The following RORA variants were observed in gnomAD, a reference collection of about 807,000 sequenced individuals.
RORA encodes RAR related orphan receptor A, also known as nuclear receptor ROR-alpha.
In RORA, 7 loss-of-function variants were observed where a neutral mutation model predicts 69.5. That is an observed-to-expected ratio of 0.10 (90% CI 0.06 to 0.19). The LOEUF is 0.19. Among genes scored for constraint, RORA ranks in the 10% least tolerant of loss-of-function variants. The pLI, the probability that RORA is intolerant of heterozygous loss-of-function variation, is 1.00. For synonymous variants in RORA, 261 were observed against 240.8 expected (o/e 1.08, Z -0.78); for missense variants, 457 against 663.0 (o/e 0.69, Z 3.41).
At chr15:60,698,269 C>T (rs1255575161) in intron 1 of RORA, among the ~76,000 whole-genome samples, 2 of 152,088 alleles carry the variant, frequency 1.3e-5, no homozygotes, top group Non-Finnish European at 2.9e-5. Context: ...AAAAAAGCCC[C>T]ACTAAAAGCT....
intron 1 of RORA, among the ~76,000 whole-genome samples, chr15:60,880,324 A>G (rs1250951030): frequency 6.6e-6 from 1 of 152,158 alleles, no homozygotes; most frequent in East Asian, 1.9e-4. Flanking sequence ...GGTCAACCCT[A>G]CTGTCACTTA....
At chr15:60,897,253 C>T (rs1036253005) in intron 1 of RORA, among the ~76,000 whole-genome samples, 1 of 152,168 alleles carries the variant, frequency 6.6e-6, no homozygotes, top group African/African-American at 2.4e-5. Flanking sequence ...CACAGTTTTA[C>T]AAATTTCACT....
chr15:61,102,445 A>G (rs1566989920), intron 1 of RORA, among the ~76,000 whole-genome samples: 2 of 152,234 alleles, frequency 1.3e-5, no homozygotes, highest in African/African-American at 4.8e-5. Flanking sequence ...TCAGAGCCAC[A>G]GCTGAGGACC....
chr15:60,614,964 A>G, intron 2 of RORA: 2 of 1,614,094 alleles, frequency 1.2e-6, no homozygotes, highest in Non-Finnish European at 1.7e-6. Flanking sequence ...CTGTGGCTCC[A>G]TCCCAGTTTA....
intron 1 of RORA, among the ~76,000 whole-genome samples, chr15:60,988,803 T>C (rs11638147): frequency 0.2 from 31,047 of 152,130 alleles, 3,610 homozygotes; most frequent in Middle Eastern, 0.26. Context: ...CTACTCCAGG[T>C]GCACAGAGAT....
At position 60,608,460 on chromosome 15, in the gene RORA, G is replaced by A. The variant is rs1010233616; in HGVS notation, c.196+70197C>T. ...GATAGGGTAAGTGAAGCTCAAAGAG[G>A]CCTCTGGTTCAGCAGATCACACCGC... On this transcript the variant is annotated intron_variant, in intron 2 of 10. Transcript: ENST00000335670. 8.5e-5 allele frequency among the ~76,000 whole-genome samples: 13 copies of A among 152,272 alleles called. No individual in the cohort carries two copies. The East Asian group carries it at 2.3e-3, about 27-fold the overall frequency.
At chr15:60,860,858 C>T (rs2073429877) in intron 1 of RORA, among the ~76,000 whole-genome samples, 1 of 152,166 alleles carries the variant, frequency 6.6e-6, no homozygotes, top group Non-Finnish European at 1.5e-5. Flanking sequence ...TCCCTCACTG[C>T]CTTTCTCTTT....
intron 1 of RORA, among the ~76,000 whole-genome samples, chr15:61,021,373 T>C (rs1895514419): frequency 6.6e-6 from 1 of 152,204 alleles, no homozygotes; most frequent in Admixed American, 6.5e-5. Context: ...GAATTGTCCT[T>C]TTCCAAACCT....
At chr15:60,768,708 C>T (rs2072025329) in intron 1 of RORA, among the ~76,000 whole-genome samples, 2 of 152,204 alleles carry the variant, frequency 1.3e-5, no homozygotes, top group African/African-American at 4.8e-5. Context: ...AGAGCAGGTG[C>T]ACTGACAGAC....
intron 1 of RORA, among the ~76,000 whole-genome samples, chr15:60,788,646 C>T (rs932285801): frequency 6.6e-6 from 1 of 152,016 alleles, no homozygotes; most frequent in Non-Finnish European, 1.5e-5. Flanking sequence ...CCTTTCCTCC[C>T]CAGGCAGGAT....
At chr15:60,856,053 C>T (rs1680478) in intron 1 of RORA, among the ~76,000 whole-genome samples, 132,915 of 152,152 alleles carry the variant, frequency 0.87, 58,743 homozygotes, top group East Asian at 0.99. Flanking sequence ...CTTTCAGCAA[C>T]CTCAAGGGAT....
chr15:60,708,464 A>G (rs4774371), intron 1 of RORA, among the ~76,000 whole-genome samples: 107,628 of 151,870 alleles, frequency 0.71, 38,791 homozygotes, highest in East Asian at 0.82. Context: ...ATCACATCCA[A>G]GTGGCATTCA....
At chr15:61,068,478 C>T (rs1378128480) in intron 1 of RORA, among the ~76,000 whole-genome samples, 2 of 152,168 alleles carry the variant, frequency 1.3e-5, no homozygotes, top group Non-Finnish European at 2.9e-5. Context: ...TTCACTATGT[C>T]AATTGCATTT....
At chr15:60,826,058 A>G (rs1281339200) in intron 1 of RORA, among the ~76,000 whole-genome samples, 2 of 152,174 alleles carry the variant, frequency 1.3e-5, no homozygotes, top group Non-Finnish European at 2.9e-5. Context: ...AGGCAGGGCC[A>G]ATTGGTCAGA....
At chr15:60,850,230 C>T (rs1354615383) in intron 1 of RORA, among the ~76,000 whole-genome samples, 1 of 152,154 alleles carries the variant, frequency 6.6e-6, no homozygotes, top group Non-Finnish European at 1.5e-5. Context: ...GCTCCTCCAG[C>T]CCAAAGATGA....
Position 60,631,162 on chromosome 15 carries a change from T to C in RORA, c.196+47495A>G, listed in dbSNP as rs2069728832. Among the ~76,000 whole-genome samples, 9 of 152,310 alleles carry C rather than the reference T, an allele frequency of 5.9e-5. No homozygotes were observed. The South Asian group carries it at 1.7e-3, about 28-fold the overall frequency. ...GCCTCGGCCTCCCAAAGTTTGGGAT[T>C]ACAGGCGTGAGCCATTGCACCCGGC... is the stretch of plus-strand genomic sequence containing the variant. On this transcript the variant is annotated intron_variant, in intron 2 of 10. Transcript: ENST00000335670.
chr15:60,856,513 A>G (rs1282531898), intron 1 of RORA, among the ~76,000 whole-genome samples: 1 of 150,420 alleles, frequency 6.6e-6, no homozygotes, highest in Non-Finnish European at 1.5e-5. Flanking sequence ...TCTTAGAACT[A>G]GAAGAGTCCT....
At chr15:61,089,715 G>A (rs2140701615) in intron 1 of RORA, among the ~76,000 whole-genome samples, 1 of 152,272 alleles carries the variant, frequency 6.6e-6, no homozygotes, top group African/African-American at 2.4e-5. Flanking sequence ...GCGTGGTGGA[G>A]AACAGACCTA....
Position 61,213,515 on chromosome 15 carries a change from A to T in RORA, c.166+15538T>A. On this transcript the variant is annotated intron_variant, in intron 1 of 10. Transcript: ENST00000335670. The surrounding 1 kb of genome is among the most constrained non-coding windows in gnomAD (Gnocchi z 4.1). ...TCCTCACCAGCATACTCTCAGGCCA[A>T]GCTACATCTCACTTATGTTACCTGA... Among the ~76,000 whole-genome samples the T allele has an allele frequency of 6.6e-6, 1 of 152,126 alleles. No homozygotes were observed. The highest frequency in any genetic ancestry group is 1.9e-4 in the East Asian group (1 of 5,190).
Sources: allele counts gnomAD v4.1 joint callset (sites outside exome capture counted in the v4.1 genomes callset), GRCh38; gene constraint gnomAD v4.1.1; non-coding constraint Gnocchi (gnomAD v3.1); transcripts MANE v1.5; gene names NCBI Gene and HGNC (gene_info 2026-07-23, HGNC 2026-07-21).